RAD50: variants seen among roughly 807,000 people sequenced by gnomAD.
RAD50 encodes the protein RAD50 double strand break repair protein, also known as DNA repair protein RAD50.
RAD50 carries 132 observed loss-of-function variants against 168.8 expected under a neutral mutation model. The observed-to-expected ratio is 0.78, with a 90% CI of 0.68 to 0.90. The LOEUF (loss-of-function observed/expected upper bound fraction) is 0.90, where lower values mean the gene tolerates loss of function less well. Ranked by LOEUF, RAD50 falls within the 40% of genes least tolerant of loss-of-function variation. RAD50 has a pLI of 0.00. For synonymous variants in RAD50, 525 were observed against 497.4 expected (o/e 1.06, Z -0.74); for missense variants, 1,347 against 1,534.4 (o/e 0.88, Z 2.04).
chr5:132,588,682 A>T lies in RAD50; in HGVS notation c.1052-5A>T, dbSNP rs778261497. ...AAAAAAATTATGAGATTTTTTTTTT[A>T]AAAGGTCGTCTACAGCTGCAAGCAG... On this transcript the variant is annotated splice_polypyrimidine_tract_variant and splice_region_variant and intron_variant, in intron 7 of 24. Coordinates refer to ENST00000378823, the MANE Select transcript of RAD50 (RefSeq NM_005732.4). The T allele has an allele frequency of 2.7e-5, 44 of 1,603,386 alleles. No homozygotes were observed. Among genetic ancestry groups the T allele is most frequent in the South Asian group, 5.6e-5 (5 of 88,718 alleles).
chr5:132,579,167 C>A, intron 3 of RAD50, 150 bp from the exon 4 acceptor site: 1 of 759,770 alleles, frequency 1.3e-6, no homozygotes, highest in Non-Finnish European at 2.1e-6. Context: ...AAGAGTTACA[C>A]TTTTTAGCAT....
chr5:132,565,131 C>G (rs1470420630), intron 2 of RAD50, among the ~76,000 whole-genome samples: 1 of 152,134 alleles, frequency 6.6e-6, no homozygotes, highest in Non-Finnish European at 1.5e-5. Flanking sequence ...TCCCCCTTTA[C>G]TCTTTTTCTT....
At chr5:132,603,081 T>C (rs977650618) in intron 13 of RAD50, among the ~76,000 whole-genome samples, 3 of 152,164 alleles carry the variant, frequency 2.0e-5, no homozygotes, top group Admixed American at 2.0e-4. Context: ...ACAGTAACTT[T>C]ACAGTGGAGA....
chr5:132,620,873 A>T (rs1751273300), intron 21 of RAD50, among the ~76,000 whole-genome samples: 1 of 152,210 alleles, frequency 6.6e-6, no homozygotes, highest in Non-Finnish European at 1.5e-5. Context: ...ACAAGAAAAA[A>T]TTATAAGGGA....
intron 5 of RAD50, among the ~76,000 whole-genome samples, chr5:132,581,215 T>C (rs1750498390): frequency 1.3e-5 from 2 of 151,992 alleles, no homozygotes; most frequent in African/African-American, 4.8e-5. Context: ...ATTCTCCCAC[T>C]TAGCCTCCAG....
chr5:132,607,024 G>T (rs1301508034), intron 16 of RAD50, among the ~76,000 whole-genome samples: 1 of 152,188 alleles, frequency 6.6e-6, no homozygotes, highest in Non-Finnish European at 1.5e-5. Context: ...TACTGAATGG[G>T]CAAAAACTGG....
At chr5:132,639,181 C>T (rs373244034) in intron 23 of RAD50, among the ~76,000 whole-genome samples, 5 of 151,816 alleles carry the variant, frequency 3.3e-5, no homozygotes, top group South Asian at 4.2e-4. Flanking sequence ...GGTGAAACTC[C>T]GTCTCTATTA....
chr5:132,598,600 G>A (rs1377552961), intron 13 of RAD50, among the ~76,000 whole-genome samples: 3 of 152,104 alleles, frequency 2.0e-5, no homozygotes, highest in Admixed American at 2.0e-4. Context: ...GGCTGCAGTC[G>A]TCTCAAAGCA....
rs1429420043 is a variant in RAD50, at chr5:132,558,353, A to G, written c.129+900A>G. ...TTTCGCTTCATTTATTAGTTGTCTG[A>G]TTGTTTGCGAGTGACCTCACTGCTC... On this transcript the variant is annotated intron_variant, in intron 1 of 24. Coordinates refer to ENST00000378823, the MANE Select transcript of RAD50 (RefSeq NM_005732.4). Among the ~76,000 whole-genome samples the G allele has an allele frequency of 2.6e-5, 4 of 152,202 alleles. No homozygotes were observed. The East Asian group carries it at 7.7e-4, about 29-fold the overall frequency.
At chr5:132,559,263 T>C (rs765165857) in intron 1 of RAD50, 21 bp from the exon 2 acceptor site, 99 of 1,583,062 alleles carry the variant, frequency 6.3e-5, no homozygotes, top group Non-Finnish European at 8.4e-5. Context: ...AACGAAATAA[T>C]GTAATTTTCT....
intron 13 of RAD50, among the ~76,000 whole-genome samples, chr5:132,602,631 A>G (rs1750907583): frequency 6.6e-6 from 1 of 152,208 alleles, no homozygotes; most frequent in African/African-American, 2.4e-5. Context: ...AATTATTCAT[A>G]TATATCCCTC....
Position 132,640,037 on chromosome 5 carries a change from G to A in RAD50, c.3619-635G>A, listed in dbSNP as rs532818407. ...TGTCTTGTATCCTCAGATGGTTTCA[G>A]TGGGTCTGAGGGTTTTAGTATTAGG... On this transcript the variant is annotated intron_variant, in intron 23 of 24. Coordinates refer to ENST00000378823, the MANE Select transcript of RAD50 (RefSeq NM_005732.4). Among the ~76,000 whole-genome samples the A allele has an allele frequency of 5.9e-5, 9 of 152,312 alleles. No individual in the cohort carries two copies. In the East Asian group the frequency reaches 1.2e-3, roughly 20 times the overall value.
intron 23 of RAD50, among the ~76,000 whole-genome samples, chr5:132,638,501 A>T (rs1453232737): frequency 1.3e-5 from 2 of 152,232 alleles, no homozygotes; most frequent in African/African-American, 4.8e-5. Flanking sequence ...TAGAGTTTTC[A>T]TGGCACTCCT....
Position 132,604,917 on chromosome 5 carries a change from C to G in RAD50, c.2636C>G (p.Thr879Ser), listed in dbSNP as rs876660806. 1.2e-6 allele frequency: 2 copies of G among 1,613,774 alleles called. No homozygotes were observed. The highest frequency in any genetic ancestry group is 1.7e-6 in the Non-Finnish European group (2 of 1,179,846). Residue 879 changes from threonine (T) to serine (S), a missense_variant, in exon 16 of 25, where the codon ACT (threonine) becomes AGT (serine). Physicochemically the swap from Thr to Ser is moderately conservative, Grantham distance 58 (BLOSUM62 1). Transcript: ENST00000378823. ...ELKSEKLQIS[T>S]NLQRRQQLEE... ...AAATCTGAGAAACTTCAGATATCCACTAATTTGCAACGTCGTCAGCAACTG... is the reference window on the plus strand; with the variant it reads ...AAATCTGAGAAACTTCAGATATCCAGTAATTTGCAACGTCGTCAGCAACTG...
intron 5 of RAD50, among the ~76,000 whole-genome samples, chr5:132,586,686 A>G (rs1750600186): frequency 6.6e-6 from 1 of 152,168 alleles, no homozygotes; most frequent in African/African-American, 2.4e-5. Flanking sequence ...AAGCATTCCA[A>G]TAACTTCATA....
At chr5:132,623,675 A>G (rs1007919964) in intron 21 of RAD50, among the ~76,000 whole-genome samples, 10 of 152,184 alleles carry the variant, frequency 6.6e-5, no homozygotes. Flanking sequence ...CATTTGTGGC[A>G]GGAGAATTAT....
rs104895045 is a variant in RAD50, at chr5:132,588,649, C to T, written c.1052-38C>T. ...GCAGCTATCTCAACTTTTTAAGCAC[C>T]AGTTGAAAAAAAAATTATGAGATTT... On this transcript the variant is annotated intron_variant, in intron 7 of 24. Transcript: ENST00000378823. 0.025 allele frequency: 39,337 copies of T among 1,573,560 alleles called. 602 individuals carry two copies. Among genetic ancestry groups the T allele is most frequent in the Middle Eastern group, 0.055 (328 of 5,974 alleles).
chr5:132,640,914 C>G, intron 24 of RAD50, 109 bp downstream of exon 24: 2 of 1,558,798 alleles, frequency 1.3e-6, no homozygotes, highest in East Asian at 4.5e-5. Flanking sequence ...CGTTCTCTAG[C>G]TGTGTTCCCC....
chr5:132,599,335 A>G (rs1750846399), intron 13 of RAD50, among the ~76,000 whole-genome samples: 1 of 152,092 alleles, frequency 6.6e-6, no homozygotes, highest in Non-Finnish European at 1.5e-5. Context: ...TTATAAAGAA[A>G]CCAAAACTTG....
Sources: allele counts gnomAD v4.1 joint callset (sites outside exome capture counted in the v4.1 genomes callset), GRCh38; gene constraint gnomAD v4.1.1; transcripts MANE v1.5; gene names NCBI Gene and HGNC (gene_info 2026-07-23, HGNC 2026-07-21).